Variants in COPS4 observed in about 807,000 individuals in gnomAD.
The protein encoded by COPS4 is COP9 signalosome subunit 4, also known as COP9 signalosome complex subunit 4.
COPS4 carries 8 observed loss-of-function variants against 55.1 expected under a neutral mutation model. The observed-to-expected ratio is 0.15, with a 90% CI of 0.09 to 0.26. The LOEUF (loss-of-function observed/expected upper bound fraction) is 0.26, where lower values mean the gene tolerates loss of function less well. Among genes scored for constraint, COPS4 ranks in the 10% least tolerant of loss-of-function variants. The pLI is 1.00. For missense variants in COPS4, 248 were observed against 484.0 expected (o/e 0.51, Z 4.58); for synonymous variants, 185 against 165.7 (o/e 1.12, Z -0.90).
At chr4:83,052,292 G>C (rs1346928039) in intron 4 of COPS4, among the ~76,000 whole-genome samples, 1 of 152,162 alleles carries the variant, frequency 6.6e-6, no homozygotes, top group Non-Finnish European at 1.5e-5. Context: ...AGGGGAATTG[G>C]GGAGAGGATT....
intron 1 of COPS4, 28 bp from the exon 2 acceptor site, chr4:83,045,598 A>G: frequency 1.3e-6 from 2 of 1,553,342 alleles, no homozygotes; most frequent in Non-Finnish European, 1.8e-6. Flanking sequence ...TACCCTCAGA[A>G]CATTATTTTC....
At chr4:83,069,567 A>G (rs1731369256) in intron 9 of COPS4, among the ~76,000 whole-genome samples, 1 of 152,128 alleles carries the variant, frequency 6.6e-6, no homozygotes, top group Non-Finnish European at 1.5e-5. Context: ...CTTTGCAATG[A>G]CTATTTCAGG....
At chr4:83,043,518 C>CAAAAAAAAAA (rs34480105) in intron 1 of COPS4, among the ~76,000 whole-genome samples, 3 of 17,656 alleles carry the variant, frequency 1.7e-4, no homozygotes, top group East Asian at 2.0e-3. Flanking sequence ...GACCCTGTCT[C>CAAAAAAAAAA]AAAAAAAAAA....
intron 6 of COPS4, among the ~76,000 whole-genome samples, chr4:83,058,281 AG>A (rs1731066816): frequency 6.6e-6 from 1 of 152,206 alleles, no homozygotes; most frequent in Non-Finnish European, 1.5e-5. Context: ...GCAGTGGCGC[AG>A]TCACTGCTTA....
At chr4:83,043,341 A>AC (rs747296761) in intron 1 of COPS4, among the ~76,000 whole-genome samples, 16 of 151,624 alleles carry the variant, frequency 1.1e-4, no homozygotes, top group Non-Finnish European at 2.1e-4. Context: ...ATGTAGTGAG[A>AC]CCCCATCTCT....
rs118057161 is a variant in COPS4 at position 83,049,366 on chromosome 4, T to G, written c.306+49T>G. ...TTTAACTTGAGATAGCAGCAGTTATTTTGAGAATCTGATATTAGTAAATTC... is the reference window on the plus strand; with the variant it reads ...TTTAACTTGAGATAGCAGCAGTTATGTTGAGAATCTGATATTAGTAAATTC... On this transcript the variant is annotated intron_variant, in intron 3 of 9. Transcript: ENST00000264389. The G allele has an allele frequency of 4.4e-4, 649 of 1,464,920 alleles. 6 individuals are homozygous for G. The East Asian group carries it at 0.012, about 26-fold the overall frequency. The allele number at this position is 1,464,920 out of a possible 1,614,324, so 90.7% of individuals were successfully genotyped here.
chr4:83,070,485 C>T (rs1731396854), intron 9 of COPS4, among the ~76,000 whole-genome samples: 2 of 152,180 alleles, frequency 1.3e-5, no homozygotes, highest in South Asian at 4.1e-4. Context: ...ACCAGCCAGC[C>T]ATCCCAAAAC....
chr4:83,075,625 T>A lies in COPS4; in HGVS notation c.*195T>A. 1 of 524,944 alleles carries A rather than the reference T, an allele frequency of 1.9e-6. No homozygotes were observed. The highest frequency in any genetic ancestry group is 3.2e-6 in the Non-Finnish European group (1 of 315,984). The allele number at this position is 524,944 out of a possible 1,614,324, so 32.5% of individuals were successfully genotyped here. On this transcript the variant is annotated 3_prime_UTR_variant, in exon 10 of 10. Coordinates refer to ENST00000264389, the MANE Select transcript of COPS4 (RefSeq NM_016129.3). ...TAGTTCCCATATATTTCAGGGTCTC[T>A]GTGTATTAAGCTAACTCAGATGTTT... is the stretch of plus-strand genomic sequence containing the variant.
intron 1 of COPS4, among the ~76,000 whole-genome samples, chr4:83,038,917 A>G (rs967048331): frequency 2.6e-5 from 4 of 152,128 alleles, no homozygotes; most frequent in African/African-American, 9.7e-5. Context: ...TGCTGGGATT[A>G]CAGGCGTGAG....
chr4:83,068,431 C>T lies in COPS4; in HGVS notation c.1003-7C>T, dbSNP rs1352570428. ...AAGTTTCTGAGAGTTTTTTTTTCCC[C>T]CAATAGGCGGAAAAGATAGCATCTC... On this transcript the variant is annotated splice_region_variant and splice_polypyrimidine_tract_variant and intron_variant, in intron 8 of 9. Transcript: ENST00000264389. The T allele has an allele frequency of 1.3e-6, 2 of 1,592,744 alleles. No homozygotes were observed. The highest frequency in any genetic ancestry group is 1.1e-5 in the South Asian group (1 of 88,810).
chr4:83,047,430 C>T (rs542947767), intron 2 of COPS4, among the ~76,000 whole-genome samples: 14 of 40,264 alleles, frequency 3.5e-4, no homozygotes, highest in Admixed American at 3.3e-3. Context: ...TGATGCATGC[C>T]TGTAGTCCCA....
At chr4:83,055,719 G>T (rs143857919) in intron 4 of COPS4, among the ~76,000 whole-genome samples, 4 of 152,076 alleles carry the variant, frequency 2.6e-5, no homozygotes, top group Non-Finnish European at 4.4e-5. Flanking sequence ...GGGATTACAG[G>T]TGTGAGCCAC....
chr4:83,042,267 T>C (rs1351787103), intron 1 of COPS4, among the ~76,000 whole-genome samples: 1 of 152,242 alleles, frequency 6.6e-6, no homozygotes, highest in African/African-American at 2.4e-5. Flanking sequence ...TTAAAAACTT[T>C]TTAGTATCAT....
chr4:83,037,410 T>C (rs1009384559), intron 1 of COPS4, among the ~76,000 whole-genome samples: 9 of 152,354 alleles, frequency 5.9e-5, no homozygotes, highest in African/African-American at 2.2e-4. Flanking sequence ...AAGCCGTTAC[T>C]GTAGCAGTCT....
At chr4:83,043,940 TC>T (rs1168181483) in intron 1 of COPS4, among the ~76,000 whole-genome samples, 1 of 152,238 alleles carries the variant, frequency 6.6e-6, no homozygotes, top group Non-Finnish European at 1.5e-5. Context: ...TTTTGAGAAA[TC>T]AGATAACCAA....
chr4:83,059,325 C>T (rs1731101290), intron 6 of COPS4, among the ~76,000 whole-genome samples: 1 of 151,990 alleles, frequency 6.6e-6, no homozygotes, highest in Non-Finnish European at 1.5e-5. Flanking sequence ...CAAGTCTTCC[C>T]TACTCTGAAA....
At chr4:83,063,001 A>G (rs1731200226) in intron 6 of COPS4, 75 bp from the exon 7 acceptor site, 1 of 1,314,062 alleles carries the variant, frequency 7.6e-7, no homozygotes, top group South Asian at 1.5e-5. Context: ...TGAGGTCATA[A>G]GATAGGTTTT....
rs1176056506 is a variant in COPS4 at position 83,048,399 on chromosome 4, A to G, written c.155-767A>G. ...TTATTGGGAAAGTATAAGTGGCAATAACTGTACTGGCAGCACTTGCTTTAT... is the reference window on the plus strand; with the variant it reads ...TTATTGGGAAAGTATAAGTGGCAATGACTGTACTGGCAGCACTTGCTTTAT... On this transcript the variant is annotated intron_variant, in intron 2 of 9. Coordinates refer to ENST00000264389, the MANE Select transcript of COPS4 (RefSeq NM_016129.3). 2.0e-5 allele frequency among the ~76,000 whole-genome samples: 3 copies of G among 152,198 alleles called. No homozygotes were observed. In the East Asian group the frequency reaches 5.8e-4, roughly 29 times the overall value.
intron 4 of COPS4, among the ~76,000 whole-genome samples, chr4:83,053,415 G>A (rs1192450207): frequency 6.6e-6 from 1 of 152,178 alleles, no homozygotes; most frequent in Non-Finnish European, 1.5e-5. Flanking sequence ...GTTAGGCTAG[G>A]TAAAGAGGGA....
Sources: allele counts gnomAD v4.1 joint callset (sites outside exome capture counted in the v4.1 genomes callset), GRCh38; gene constraint gnomAD v4.1.1; transcripts MANE v1.5; gene names NCBI Gene and HGNC (gene_info 2026-07-23, HGNC 2026-07-21).